Variants in FREM2 observed in about 807,000 individuals in gnomAD.
FREM2 encodes the protein FRAS1 related extracellular matrix 2, also known as FRAS1-related extracellular matrix protein 2.
FREM2 carries 119 observed loss-of-function variants against 219.9 expected under a neutral mutation model. The observed-to-expected ratio is 0.54, with a 90% CI of 0.47 to 0.63. The LOEUF is 0.63. FREM2 is among the 30% of genes least tolerant of loss of function. The pLI, the probability that FREM2 is intolerant of heterozygous loss-of-function variation, is 0.00. For missense variants in FREM2, 4,030 were observed against 3,993.6 expected (o/e 1.01, Z -0.25); for synonymous variants, 1,562 against 1,522.8 (o/e 1.03, Z -0.60).
chr13:38,791,950 A>AT (rs1239865378), intron 6 of FREM2, among the ~76,000 whole-genome samples: 2 of 152,048 alleles, frequency 1.3e-5, no homozygotes, highest in African/African-American at 2.4e-5. Flanking sequence ...AGCAAACCCT[A>AT]TTTTTTGTCA....
At chr13:38,804,821 T>A (rs906413999) in intron 6 of FREM2, among the ~76,000 whole-genome samples, 16 of 152,100 alleles carry the variant, frequency 1.1e-4, no homozygotes, top group African/African-American at 3.6e-4. Flanking sequence ...TTGGCCAGGC[T>A]CCCTTTTTAT....
At chr13:38,744,314 G>A (rs978374619) in intron 2 of FREM2, among the ~76,000 whole-genome samples, 5 of 145,236 alleles carry the variant, frequency 3.4e-5, no homozygotes, top group African/African-American at 1.3e-4. Context: ...GAGCTCAAGT[G>A]ATCCTCCTGC....
chr13:38,799,524 T>C (rs961608538), intron 6 of FREM2, among the ~76,000 whole-genome samples: 26 of 152,214 alleles, frequency 1.7e-4, no homozygotes, highest in African/African-American at 6.3e-4. Context: ...TTGTTTATTT[T>C]CTGTCTCAAT....
intron 22 of FREM2, among the ~76,000 whole-genome samples, chr13:38,878,601 G>C (rs1336639458): frequency 6.6e-6 from 1 of 151,794 alleles, no homozygotes; most frequent in African/African-American, 2.4e-5. Context: ...GATTGCTTAA[G>C]TCAGGAAGTT....
chr13:38,781,965 G>A (rs1263612190), intron 4 of FREM2, among the ~76,000 whole-genome samples: 5 of 152,096 alleles, frequency 3.3e-5, no homozygotes, highest in South Asian at 4.1e-4. Flanking sequence ...GGGAATAAAC[G>A]CCTGGCCCAC....
chr13:38,878,785 C>A (rs1291137434), intron 22 of FREM2, 46 bp from the exon 23 acceptor site: 1 of 1,587,266 alleles, frequency 6.3e-7, no homozygotes, highest in Admixed American at 1.7e-5. Flanking sequence ...CTGGCAAAAG[C>A]CGTGGCATTA....
intron 2 of FREM2, among the ~76,000 whole-genome samples, chr13:38,754,441 C>A (rs1052508312): frequency 3.9e-5 from 6 of 152,112 alleles, no homozygotes; most frequent in African/African-American, 1.2e-4. Context: ...TTCACCTAAA[C>A]AACGTCAAAT....
chr13:38,760,599 A>G (rs1254528924), intron 2 of FREM2, among the ~76,000 whole-genome samples: 1 of 152,080 alleles, frequency 6.6e-6, no homozygotes, highest in East Asian at 1.9e-4. Flanking sequence ...AACATTTTAG[A>G]AAGAGTGTCA....
At position 38,848,651 on chromosome 13, in the gene FREM2, A is replaced by G; in HGVS notation, c.6360A>G (p.Ile2120Met). ...LGEPSKATVS[I>M]NDSVSDLPKM... Reference sequence around the variant, plus strand: ...AGCCCAGCAAAGCCACAGTGTCCATAAATGACTCTGTCTCCGATTGTGAGT... The same window carrying G: ...AGCCCAGCAAAGCCACAGTGTCCATGAATGACTCTGTCTCCGATTGTGAGT... Residue 2120 changes from isoleucine to methionine, a missense_variant, in exon 8 of 24, where the codon ATA (isoleucine) becomes ATG (methionine). By Grantham distance (10) the Ile-to-Met change is conservative. Coordinates refer to ENST00000280481, the MANE Select transcript of FREM2 (RefSeq NM_207361.6). 6.2e-7 allele frequency: 1 copy of G among 1,612,880 alleles called. No homozygotes were observed. Among genetic ancestry groups the G allele is most frequent in the Non-Finnish European group, 8.5e-7 (1 of 1,178,916 alleles).
At chr13:38,880,242 T>C (rs1201977111) in intron 23 of FREM2, 42 bp from the exon 24 acceptor site, 2 of 1,589,546 alleles carry the variant, frequency 1.3e-6, no homozygotes, top group Non-Finnish European at 8.6e-7. Context: ...TAGATTGACA[T>C]GGTATCTAGT....
intron 2 of FREM2, among the ~76,000 whole-genome samples, chr13:38,700,464 G>A (rs940376676): frequency 2.0e-5 from 3 of 152,004 alleles, no homozygotes; most frequent in Non-Finnish European, 4.4e-5. Context: ...CTTAATACAC[G>A]TTGGTTGATA....
At chr13:38,846,099 A>T (rs915069348) in intron 6 of FREM2, among the ~76,000 whole-genome samples, 1 of 152,130 alleles carries the variant, frequency 6.6e-6, no homozygotes, top group Non-Finnish European at 1.5e-5. Flanking sequence ...ACACACTCAC[A>T]TACATCGAAA....
intron 6 of FREM2, among the ~76,000 whole-genome samples, chr13:38,787,095 C>A (rs1472862643): frequency 6.6e-6 from 1 of 152,122 alleles, no homozygotes; most frequent in Admixed American, 6.6e-5. Context: ...GGGCAAGTGG[C>A]ATTATAAGTG....
chr13:38,798,170 C>A (rs1428487476), intron 6 of FREM2, among the ~76,000 whole-genome samples: 1 of 151,906 alleles, frequency 6.6e-6, no homozygotes, highest in Non-Finnish European at 1.5e-5. Context: ...TCTTGTTGAG[C>A]ATTTTTATTA....
At position 38,783,051 on chromosome 13, in the gene FREM2, A is replaced by G. The variant is rs77863177; in HGVS notation, c.5642-19A>G. 2.6e-3 allele frequency: 4,268 copies of G among 1,612,716 alleles called. 110 individuals are homozygous for G. The African/African-American group carries it at 0.051, about 19-fold the overall frequency. On this transcript the variant is annotated intron_variant, in intron 4 of 23. Coordinates refer to ENST00000280481, the MANE Select transcript of FREM2 (RefSeq NM_207361.6). ...AAGCTCAGACAAAAATAATGCTTGCAATTGTGTTTTCTCTCTAGAGCCAAC... is the reference window on the plus strand; with the variant it reads ...AAGCTCAGACAAAAATAATGCTTGCGATTGTGTTTTCTCTCTAGAGCCAAC...
rs201234516 is a variant in FREM2, at chr13:38,846,615, A to G, written c.6062A>G (p.Glu2021Gly). ...YFGDVEYSVD[E>G]SAGYVEVQVW... ...GGTGATGTGGAATACTCTGTGGATG[A>G]GAGTGCTGGCTATGTGGAAGTGCAG... Residue 2021 changes from glutamate to glycine, a missense_variant, in exon 7 of 24, where the codon GAG becomes GGG. Physicochemically the swap from Glu to Gly is moderately conservative, Grantham distance 98. Around this residue, in one of 2 missense-constraint regions of FREM2, gnomAD observed 3,102 missense variants for 2,950.7 expected, o/e 1.05. Transcript: ENST00000280481. 1 of 1,613,766 alleles carries G rather than the reference A, an allele frequency of 6.2e-7. No homozygotes were observed. Among genetic ancestry groups the G allele is most frequent in the Non-Finnish European group, 8.5e-7 (1 of 1,179,784 alleles).
chr13:38,745,896 T>G (rs1039425738), intron 2 of FREM2, among the ~76,000 whole-genome samples: 7 of 152,170 alleles, frequency 4.6e-5, no homozygotes, highest in African/African-American at 1.4e-4. Flanking sequence ...CTTCCCCAGC[T>G]CCTCACAGCC....
In FREM2 at chr13:38,688,410, A is replaced by G; in HGVS notation, c.1066A>G (p.Ile356Val). ...TGCTGAGTCTCCCTCTGACCTGTTGATCTTCAACCTTACTTCTCCATTCCA... is the reference window on the plus strand; with the variant it reads ...TGCTGAGTCTCCCTCTGACCTGTTGGTCTTCAACCTTACTTCTCCATTCCA... ...EDAESPSDLL[I>V]FNLTSPFQPG... Residue 356 changes from isoleucine to valine, a missense_variant, in exon 1 of 24, where the codon ATC becomes GTC. Around this residue, in one of 2 missense-constraint regions of FREM2, gnomAD observed 3,102 missense variants for 2,950.7 expected, o/e 1.05. Coordinates refer to ENST00000280481, the MANE Select transcript of FREM2 (RefSeq NM_207361.6). 6.2e-7 allele frequency: 1 copy of G among 1,613,844 alleles called. No homozygotes were observed. The highest frequency in any genetic ancestry group is 1.1e-5 in the South Asian group (1 of 91,052).
At chr13:38,821,644 A>G (rs1273455649) in intron 6 of FREM2, 1 of 152,098 alleles carries the variant, frequency 6.6e-6, no homozygotes, top group Non-Finnish European at 1.5e-5. Context: ...TTTAAAACAC[A>G]CACCTAACAT....
Sources: allele counts gnomAD v4.1 joint callset (sites outside exome capture counted in the v4.1 genomes callset), GRCh38; gene constraint gnomAD v4.1.1; regional missense constraint gnomAD v4.1.1; transcripts MANE v1.5; gene names NCBI Gene and HGNC (gene_info 2026-07-23, HGNC 2026-07-21).